The following COG6 variants were observed in gnomAD, a reference collection of about 807,000 sequenced individuals.
COG6 encodes component of oligomeric golgi complex 6.
In COG6, 74 loss-of-function variants were observed where a neutral mutation model predicts 88.8. The observed-to-expected ratio is 0.83, with a 90% CI of 0.69 to 1.01. The LOEUF (loss-of-function observed/expected upper bound fraction) is 1.01, where lower values mean the gene tolerates loss of function less well. Ranked by LOEUF, COG6 falls within the 50% of genes least tolerant of loss-of-function variation. COG6 has a pLI of 0.00. For synonymous variants in COG6, 286 were observed against 278.7 expected (o/e 1.03, Z -0.26); for missense variants, 800 against 797.9 (o/e 1.00, Z -0.03).
intron 18 of COG6, among the ~76,000 whole-genome samples, chr13:39,731,794 C>G (rs888696512): frequency 6.6e-6 from 1 of 151,316 alleles, no homozygotes; most frequent in South Asian, 2.1e-4. Flanking sequence ...TCAGGAATAT[C>G]CATATAGACA....
At position 39,751,145 on chromosome 13, in the gene COG6, G is replaced by A. The variant is rs773641894; in HGVS notation, c.*52G>A. The A allele has an allele frequency of 2.4e-4, 392 of 1,602,270 alleles. No individual in the cohort carries two copies. The highest frequency in any genetic ancestry group is 3.1e-4 in the Non-Finnish European group (358 of 1,173,236). On this transcript the variant is annotated 3_prime_UTR_variant, in exon 19 of 19. Transcript: ENST00000455146. ...ATATGACCTCCCTAAAACACTGAAG[G>A]TTATTTTTTATTCTTTGAATTTTTA...
chr13:39,788,737 T>G (rs1202642193), exon 19 of COG6: 2 of 175,066 alleles, frequency 1.1e-5, no homozygotes, highest in Admixed American at 1.2e-4. Flanking sequence ...CTAAATAACT[T>G]TAGTGTTCAT....
intron 18 of COG6, among the ~76,000 whole-genome samples, chr13:39,772,119 G>T (rs1323063777): frequency 1.3e-5 from 2 of 152,198 alleles, no homozygotes; most frequent in Non-Finnish European, 2.9e-5. Context: ...AGAACCCAGA[G>T]CATGTATCGG....
At chr13:39,775,881 T>C (rs1881449379) in intron 18 of COG6, among the ~76,000 whole-genome samples, 2 of 151,924 alleles carry the variant, frequency 1.3e-5, no homozygotes, top group Admixed American at 1.3e-4. Flanking sequence ...GTGATTCTCC[T>C]ACCTCAGCCT....
intron 18 of COG6, among the ~76,000 whole-genome samples, chr13:39,735,046 T>TACAAAA (rs1879661992): frequency 6.6e-6 from 1 of 152,124 alleles, no homozygotes; most frequent in East Asian, 1.9e-4. Context: ...GTCTTGTTTT[T>TACAAAA]TTAATCCATT....
At chr13:39,668,055 C>T (rs1174961633) in intron 4 of COG6, among the ~76,000 whole-genome samples, 1 of 152,020 alleles carries the variant, frequency 6.6e-6, no homozygotes, top group Non-Finnish European at 1.5e-5. Flanking sequence ...TGTTAGGTGT[C>T]ATTGGAGCCA....
intron 3 of COG6, 141 bp from the exon 4 acceptor site, chr13:39,664,955 G>A (rs896067666): frequency 4.0e-5 from 25 of 619,622 alleles, no homozygotes; most frequent in African/African-American, 2.6e-4. Context: ...AAACATCTAC[G>A]TATTTCATTT....
intron 1 of COG6, chr13:39,656,236 G>C (rs575633699): frequency 2.0e-6 from 1 of 488,312 alleles, no homozygotes; most frequent in East Asian, 5.9e-5. Context: ...GCACAAGACT[G>C]GATATGAAAC....
At chr13:39,656,538 A>T (rs1319563758) in intron 1 of COG6, among the ~76,000 whole-genome samples, 2 of 151,954 alleles carry the variant, frequency 1.3e-5, no homozygotes, top group Non-Finnish European at 2.9e-5. Context: ...ACAGCTCCTC[A>T]CATACCCAGC....
chr13:39,759,910 C>T (rs1235301850), intron 18 of COG6, among the ~76,000 whole-genome samples: 3 of 152,172 alleles, frequency 2.0e-5, no homozygotes, highest in Admixed American at 2.0e-4. Flanking sequence ...GTTATACTTG[C>T]TTGCTTTGAG....
chr13:39,697,246 G>T (rs189310718), intron 12 of COG6, among the ~76,000 whole-genome samples: 29 of 151,854 alleles, frequency 1.9e-4, no homozygotes, highest in African/African-American at 7.0e-4. Flanking sequence ...CATGGGAGTA[G>T]GTAAGATCAC....
At chr13:39,729,191 C>A (rs1879302761) in intron 18 of COG6, among the ~76,000 whole-genome samples, 2 of 152,170 alleles carry the variant, frequency 1.3e-5, no homozygotes, top group African/African-American at 4.8e-5. Flanking sequence ...GGGCCAGGGA[C>A]CCTGGTCTGT....
chr13:39,702,967 A>G (rs943138132), intron 13 of COG6, among the ~76,000 whole-genome samples: 4 of 152,128 alleles, frequency 2.6e-5, no homozygotes, highest in Admixed American at 6.6e-5. Context: ...CTATCTTGCC[A>G]TTAGCTTTAA....
chr13:39,786,374 T>C (rs1881773059), intron 18 of COG6, among the ~76,000 whole-genome samples: 1 of 151,450 alleles, frequency 6.6e-6, no homozygotes, highest in Non-Finnish European at 1.5e-5. Flanking sequence ...TGACAGTGAG[T>C]GGAAGGAGAA....
chr13:39,677,446 T>C (rs1202165531), intron 4 of COG6, 22 bp from the exon 5 acceptor site: 5 of 1,346,746 alleles, frequency 3.7e-6, no homozygotes, highest in Non-Finnish European at 5.3e-6. Flanking sequence ...TTGATTTTTA[T>C]TGCTTGTTTT....
At position 39,659,478 on chromosome 13, in the gene COG6, T is replaced by A; in HGVS notation, c.268T>A (p.Phe90Ile). The change falls in exon 2 of 19, where the codon TTT becomes ATT. Residue 90 changes from phenylalanine to isoleucine, a missense_variant. By Grantham distance (21) the Phe-to-Ile change is conservative. Coordinates refer to ENST00000455146, the MANE Select transcript of COG6 (RefSeq NM_020751.3). ...TAAAAGTTTAGCCATCAATGAAGAA[T>A]TTGTAAGCATTTTCAAGGAAGTGAA... ...ERKSLAINEE[F>I]VSIFKEVKEE... The A allele has an allele frequency of 6.2e-7, 1 of 1,613,546 alleles. No homozygotes were observed. Among genetic ancestry groups the A allele is most frequent in the African/African-American group, 1.3e-5 (1 of 75,042 alleles).
chr13:39,781,448 T>G (rs1446486856), intron 18 of COG6, among the ~76,000 whole-genome samples: 1 of 151,900 alleles, frequency 6.6e-6, no homozygotes, highest in Non-Finnish European at 1.5e-5. Context: ...AGGGTTTTTT[T>G]TTTTTTTTTA....
intron 1 of COG6, 169 bp downstream of exon 1, chr13:39,656,048 A>G: frequency 1.2e-6 from 1 of 847,090 alleles, no homozygotes; most frequent in Non-Finnish European, 2.0e-6. Flanking sequence ...GGGGGCGGTG[A>G]GAAGGGGGAG....
At chr13:39,670,381 T>C (rs1875552663) in intron 4 of COG6, among the ~76,000 whole-genome samples, 1 of 152,042 alleles carries the variant, frequency 6.6e-6, no homozygotes, top group African/African-American at 2.4e-5. Context: ...CTGGAGAATG[T>C]TTATGTGTGT....
Sources: allele counts gnomAD v4.1 joint callset (sites outside exome capture counted in the v4.1 genomes callset), GRCh38; gene constraint gnomAD v4.1.1; transcripts MANE v1.5; gene names NCBI Gene and HGNC (gene_info 2026-07-23, HGNC 2026-07-21).